PCDH15: variants seen among roughly 807,000 people sequenced by gnomAD.
PCDH15 encodes protocadherin related 15.
In PCDH15, 129 loss-of-function variants were observed where a neutral mutation model predicts 178.5. The ratio of observed to expected loss-of-function variants is 0.72; its 90% CI spans 0.63 to 0.84. The LOEUF (loss-of-function observed/expected upper bound fraction) is 0.84. Among genes scored for constraint, PCDH15 ranks in the 40% least tolerant of loss-of-function variants. The pLI, the probability that PCDH15 is intolerant of heterozygous loss-of-function variation, is 0.00. For synonymous variants in PCDH15, 800 were observed against 732.0 expected, an observed-to-expected ratio of 1.09 and a Z score of -1.50; for missense variants, 2,230 against 2,099.9, an observed-to-expected ratio of 1.06 and a Z score of -1.21.
At chr10:54,226,345 A>C (rs1272393880) in intron 9 of PCDH15, among the ~76,000 whole-genome samples, 3 of 152,124 alleles carry the variant, frequency 2.0e-5, no homozygotes, top group African/African-American at 7.2e-5. Flanking sequence ...CAACGGAAAG[A>C]CTTGCCACCA....
chr10:54,525,620 G>A (rs2083292296), intron 3 of PCDH15, among the ~76,000 whole-genome samples: 1 of 151,988 alleles, frequency 6.6e-6, no homozygotes, highest in South Asian at 2.1e-4. Context: ...CACCACACCT[G>A]GCTAATTTTT....
At chr10:54,326,782 G>T (rs532708767) in intron 7 of PCDH15, among the ~76,000 whole-genome samples, 1 of 152,004 alleles carries the variant, frequency 6.6e-6, no homozygotes, top group Non-Finnish European at 1.5e-5. Flanking sequence ...GAGTATTGTT[G>T]AATCAATGGT....
At chr10:54,075,332 G>A (rs538122537) in intron 17 of PCDH15, among the ~76,000 whole-genome samples, 101 of 152,038 alleles carry the variant, frequency 6.6e-4, no homozygotes, top group African/African-American at 2.2e-3. Context: ...AGCCGAGATC[G>A]CGCCACTGCA....
intron 2 of PCDH15, among the ~76,000 whole-genome samples, chr10:55,047,484 T>C (rs937028423): frequency 7.9e-5 from 12 of 152,000 alleles, no homozygotes; most frequent in African/African-American, 2.9e-4. Context: ...AGATATTTTC[T>C]TATAAAAGTA....
chr10:54,133,977 A>G (rs1403777338), intron 14 of PCDH15, among the ~76,000 whole-genome samples: 1 of 136,132 alleles, frequency 7.3e-6, no homozygotes, highest in African/African-American at 2.5e-5. Flanking sequence ...TGAATTTAAC[A>G]AAGTCATGAT....
chr10:55,283,752 C>T (rs767508047), intron 1 of PCDH15, among the ~76,000 whole-genome samples: 22 of 151,230 alleles, frequency 1.5e-4, no homozygotes, highest in Non-Finnish European at 1.0e-4. Flanking sequence ...TCTAGTTATA[C>T]AATGTTAACT....
intron 2 of PCDH15, among the ~76,000 whole-genome samples, chr10:55,560,666 C>A (rs1313339605): frequency 6.6e-6 from 1 of 151,836 alleles, no homozygotes; most frequent in Non-Finnish European, 1.5e-5. Flanking sequence ...AGTAATGTCA[C>A]CATGTAATAT....
At chr10:54,178,852 T>C (rs918096022) in intron 13 of PCDH15, among the ~76,000 whole-genome samples, 7 of 151,904 alleles carry the variant, frequency 4.6e-5, no homozygotes, top group African/African-American at 1.5e-4. Context: ...GAAATGCAAA[T>C]CAAAACCACA....
chr10:55,561,634 C>T (rs1842202913), intron 2 of PCDH15, among the ~76,000 whole-genome samples: 1 of 151,756 alleles, frequency 6.6e-6, no homozygotes, highest in African/African-American at 2.4e-5. Flanking sequence ...GAAGAGAGTA[C>T]CACATGTTTG....
At position 55,582,538 on chromosome 10, in the gene PCDH15, TC is replaced by T. The variant is rs1176725468; in HGVS notation, c.-156+45086del. The stretch of plus-strand genomic sequence containing the variant: ...TAAAATATAGGGCCATATAAATATC[TC>T]CCTAAAAAAATAGTGGTTGATCTGA... On this transcript the variant is annotated intron_variant, in intron 2 of 5. Coordinates refer to the PCDH15 transcript ENST00000613346. Among the ~76,000 whole-genome samples, 21 of 148,782 alleles carry T rather than the reference TC, an allele frequency of 1.4e-4. 1 individual carries two copies. Among genetic ancestry groups the T allele is most frequent in the African/African-American group, 4.9e-4 (20 of 40,480 alleles).
intron 5 of PCDH15, among the ~76,000 whole-genome samples, chr10:54,366,549 T>C (rs1358450308): frequency 6.6e-6 from 1 of 152,078 alleles, no homozygotes; most frequent in Non-Finnish European, 1.5e-5. Context: ...ACATAATTCA[T>C]AATAGATAAA....
intron 13 of PCDH15, among the ~76,000 whole-genome samples, chr10:54,172,495 C>A (rs770048292): frequency 7.9e-5 from 12 of 151,844 alleles, no homozygotes; most frequent in African/African-American, 2.4e-4. Context: ...TCTCTTCACG[C>A]GCATGAAAAT....
intron 17 of PCDH15, among the ~76,000 whole-genome samples, chr10:54,072,801 A>G (rs895860387): frequency 2.0e-5 from 3 of 152,192 alleles, no homozygotes; most frequent in African/African-American, 7.2e-5. Context: ...AATGGCAGAG[A>G]GAGGTGTCAA....
chr10:54,677,555 A>G (rs1272159426), intron 1 of PCDH15, among the ~76,000 whole-genome samples: 1 of 152,130 alleles, frequency 6.6e-6, no homozygotes, highest in Non-Finnish European at 1.5e-5. Context: ...TCATAAATGC[A>G]TAAGAATCTA....
At chr10:54,446,450 C>T (rs116811487) in intron 3 of PCDH15, among the ~76,000 whole-genome samples, 2,646 of 151,528 alleles carry the variant, frequency 0.017, 74 homozygotes, top group African/African-American at 0.06. Flanking sequence ...ACTGTTGATT[C>T]GGTTTTTTGT....
At position 54,648,579 on chromosome 10, in the gene PCDH15, A is replaced by G. The variant is rs969754298; in HGVS notation, c.91+15593T>C. Among the ~76,000 whole-genome samples, 14 of 152,264 alleles carry G rather than the reference A, an allele frequency of 9.2e-5. No individual in the cohort carries two copies. The South Asian group carries it at 2.9e-3, about 32-fold the overall frequency. ...TTTTGTGTAACTTAAATGTAATAAT[A>G]CATTATTAAGTGTGTTATCTATAAA... On this transcript the variant is annotated intron_variant, in intron 2 of 37. Coordinates refer to ENST00000644397, the MANE Select transcript of PCDH15 (RefSeq NM_001384140.1).
intron 1 of PCDH15, among the ~76,000 whole-genome samples, chr10:55,204,309 TATAC>T (rs1840334055): frequency 6.6e-6 from 1 of 150,816 alleles, no homozygotes; most frequent in Non-Finnish European, 1.5e-5. Context: ...TATACACATA[TATAC>T]ATATACAAAT....
chr10:53,972,677 A>G (rs539106250), intron 21 of PCDH15, among the ~76,000 whole-genome samples: 1 of 152,354 alleles, frequency 6.6e-6, no homozygotes, highest in East Asian at 1.9e-4. Flanking sequence ...CAGCCAACAG[A>G]CACATGAAAA....
intron 1 of PCDH15, among the ~76,000 whole-genome samples, chr10:55,213,194 A>G (rs950752709): frequency 6.6e-6 from 1 of 152,092 alleles, no homozygotes; most frequent in African/African-American, 2.4e-5. Flanking sequence ...AGATATTTAG[A>G]CAATGAAAAT....
Sources: gnomAD v4.1 joint callset for allele counts (sites outside exome capture counted in the v4.1 genomes callset) on GRCh38, gnomAD v4.1.1 for gene constraint, MANE v1.5 for transcripts, NCBI Gene and HGNC (gene_info 2026-07-23, HGNC 2026-07-21) for gene names.